DNAJC11: variants seen among roughly 807,000 people sequenced by gnomAD.
DNAJC11 encodes the protein DnaJ heat shock protein family (Hsp40) member C11.
A neutral mutation model predicts 78.6 loss-of-function variants in DNAJC11; 15 were observed. The ratio of observed to expected loss-of-function variants is 0.19; its 90% CI spans 0.13 to 0.29. The LOEUF (loss-of-function observed/expected upper bound fraction) is 0.29, where lower values mean the gene tolerates loss of function less well. Among genes scored for constraint, DNAJC11 ranks in the 10% least tolerant of loss-of-function variants. The pLI, the probability that DNAJC11 is intolerant of heterozygous loss-of-function variation, is 1.00. For synonymous variants in DNAJC11, 292 were observed against 272.1 expected, an observed-to-expected ratio of 1.07 and a Z score of -0.72; for missense variants, 547 against 709.6, an observed-to-expected ratio of 0.77 and a Z score of 2.60.
At chr1:6,667,588 G>A in intron 4 of DNAJC11, 121 bp downstream of exon 4, 1 of 781,772 alleles carries the variant, frequency 1.3e-6, no homozygotes. Context: ...GCTAAATTTT[G>A]TCCCACCAGC....
In DNAJC11 at chr1:6,663,035, G is replaced by A. The variant is rs148640952; in HGVS notation, c.378+4674C>T. On this transcript the variant is annotated intron_variant, in intron 4 of 15. Coordinates refer to ENST00000377577, the MANE Select transcript of DNAJC11 (RefSeq NM_018198.4). Reference sequence around the variant, plus strand: ...GAACTCTGGACATATTGGGATTACAGGTGTGAGCCCCCATGCCTGGCCGAT... The same window carrying A: ...GAACTCTGGACATATTGGGATTACAAGTGTGAGCCCCCATGCCTGGCCGAT... 4.2e-3 allele frequency among the ~76,000 whole-genome samples: 642 copies of A among 152,224 alleles called. 2 individuals are homozygous for A. The highest frequency in any genetic ancestry group is 0.015 in the African/African-American group (616 of 41,526).
In DNAJC11 at chr1:6,645,780, T is replaced by C. The variant is rs1641955223; in HGVS notation, c.894+9A>G. On this transcript the variant is annotated intron_variant, in intron 8 of 15. Coordinates refer to ENST00000377577, the MANE Select transcript of DNAJC11 (RefSeq NM_018198.4). This position sits in a 1 kb window ranked among gnomAD's most constrained non-coding sequence, Gnocchi z 4.1. ...TCTGTCTGCAGGAGATGATGGCTGC[T>C]CGGCTCACCTGCAGGGCCACAGTGA... The C allele has an allele frequency of 3.7e-6, 6 of 1,612,924 alleles. No homozygotes were observed. The East Asian group carries it at 1.3e-4, about 36-fold the overall frequency.
intron 4 of DNAJC11, among the ~76,000 whole-genome samples, chr1:6,659,424 C>T (rs1570282857): frequency 6.6e-6 from 1 of 152,200 alleles, no homozygotes; most frequent in African/African-American, 2.4e-5. Context: ...GCTTCCCATC[C>T]TTCCTCCAGT....
chr1:6,676,443 G>T (rs2147876406), intron 3 of DNAJC11, among the ~76,000 whole-genome samples: 1 of 152,320 alleles, frequency 6.6e-6, no homozygotes, highest in East Asian at 1.9e-4. Context: ...GCTTTGGGAG[G>T]CTGAGGGGGG....
At position 6,645,931 on chromosome 1, in the gene DNAJC11, C is replaced by A; in HGVS notation, c.752G>T (p.Arg251Leu). 2 of 1,614,104 alleles carry A rather than the reference C, an allele frequency of 1.2e-6. No individual in the cohort carries two copies. The highest frequency in any genetic ancestry group is 1.1e-5 in the South Asian group (1 of 91,042). The stretch of plus-strand genomic sequence containing the variant: ...AGCTAGGACAGTGGTCAGGCCGGGT[C>A]GGATTCCACGGGATGAAAACTGCAG... ...CALQFSSRGI[R>L]PGLTTVLARN... is the part of the protein sequence containing the mutation. Residue 251 changes from arginine (R) to leucine (L), a missense_variant, in exon 8 of 16, where the codon CGA becomes CTA. Physicochemically the swap from Arg to Leu is moderately radical, Grantham distance 102. Transcript: ENST00000377577. The surrounding 1 kb of genome is among the most constrained non-coding windows in gnomAD (Gnocchi z 4.1).
rs138106653 is a variant in DNAJC11 at position 6,672,846 on chromosome 1, T to C, written c.277-5036A>G. 1.9e-3 allele frequency among the ~76,000 whole-genome samples: 290 copies of C among 152,236 alleles called. 1 individual carries two copies. The highest frequency in any genetic ancestry group is 6.6e-3 in the African/African-American group (274 of 41,550). ...TGATAAATACCAGACATTTTCAATG[T>C]TTCTCATGGACAGAGTGTATCACAT... On this transcript the variant is annotated intron_variant, in intron 3 of 15. Transcript: ENST00000377577.
chr1:6,638,391 C>G, intron 11 of DNAJC11, 27 bp from the exon 12 acceptor site: 1 of 1,606,910 alleles, frequency 6.2e-7, no homozygotes, highest in Non-Finnish European at 8.5e-7. Context: ...ACAAGCCCCA[C>G]GTTAGCGCGG....
chr1:6,643,433 G>A lies in DNAJC11; in HGVS notation c.1097+1125C>T, dbSNP rs562883984. On this transcript the variant is annotated intron_variant, in intron 10 of 15. Transcript: ENST00000377577. Reference sequence around the variant, plus strand: ...AGAGACTACAGGCGCCCGCCACCACGCCCGGTTAATTTTTTGTATTTTTAG... The same window carrying A: ...AGAGACTACAGGCGCCCGCCACCACACCCGGTTAATTTTTTGTATTTTTAG... Among the ~76,000 whole-genome samples the A allele has an allele frequency of 3.3e-5, 5 of 151,264 alleles. No homozygotes were observed. In the East Asian group the frequency reaches 5.9e-4, roughly 18 times the overall value.
At chr1:6,651,714 G>C (rs559781210) in intron 6 of DNAJC11, 112 bp from the exon 7 acceptor site, 1 of 783,770 alleles carries the variant, frequency 1.3e-6, no homozygotes, top group East Asian at 2.6e-5. Context: ...CACTGGTCTT[G>C]CCAGGGCTCT....
At position 6,637,275 on chromosome 1, in the gene DNAJC11, C is replaced by A; in HGVS notation, c.1447G>T (p.Val483Leu). The change falls in exon 14 of 16, where the codon GTG becomes TTG. Residue 483 changes from valine to leucine, a missense_variant. Val to Leu is a conservative substitution (Grantham distance 32, BLOSUM62 1). Coordinates refer to ENST00000377577, the MANE Select transcript of DNAJC11 (RefSeq NM_018198.4). ...VNDKSRKSEK[V>L]KVIDVTVPLQ... ...GGCACAGTCACGTCAATCACCTTCA[C>A]CTTCTCGCTCTTCCTGCTCTTGTCA... 1 of 1,614,204 alleles carries A rather than the reference C, an allele frequency of 6.2e-7. No individual in the cohort carries two copies. Among genetic ancestry groups the A allele is most frequent in the Non-Finnish European group, 8.5e-7 (1 of 1,180,040 alleles).
Position 6,673,589 on chromosome 1 carries a change from C to T in DNAJC11, c.276+4805G>A, listed in dbSNP as rs144222067. ...AGAAATTTCTAGTATAGCCTGCACC[C>T]AGGTTCCCCCAATGTTAGCACCTTT... On this transcript the variant is annotated intron_variant, in intron 3 of 15. Coordinates refer to ENST00000377577, the MANE Select transcript of DNAJC11 (RefSeq NM_018198.4). 5.9e-5 allele frequency among the ~76,000 whole-genome samples: 9 copies of T among 152,340 alleles called. No individual in the cohort carries two copies. The East Asian group carries it at 1.5e-3, about 26-fold the overall frequency.
intron 3 of DNAJC11, among the ~76,000 whole-genome samples, chr1:6,669,563 AAGAAAAGAAAAGAAG>A (rs1312166476): frequency 2.7e-4 from 39 of 145,488 alleles, no homozygotes; most frequent in African/African-American, 9.1e-4. Flanking sequence ...AAGAAAAGAA[AAGAAAAGAAAAGAAG>A]GCATTTCAAT....
At chr1:6,682,395 A>G (rs903017391) in intron 1 of DNAJC11, among the ~76,000 whole-genome samples, 1 of 152,170 alleles carries the variant, frequency 6.6e-6, no homozygotes, top group Non-Finnish European at 1.5e-5. Context: ...TAAACAAGGA[A>G]TTCTGAAGGA....
chr1:6,656,100 TAAAAAAA>T (rs749444041), intron 4 of DNAJC11, among the ~76,000 whole-genome samples: 2 of 88,866 alleles, frequency 2.3e-5, no homozygotes, highest in Admixed American at 1.4e-4. Flanking sequence ...AGACTCCGTC[TAAAAAAA>T]AAAAAAAAAA....
chr1:6,647,246 T>A (rs1246610731), intron 7 of DNAJC11, among the ~76,000 whole-genome samples: 2 of 151,932 alleles, frequency 1.3e-5, no homozygotes, highest in Non-Finnish European at 2.9e-5. Flanking sequence ...CATGTCCGGT[T>A]AATATTTTGT....
intron 9 of DNAJC11, 122 bp from the exon 10 acceptor site, chr1:6,644,796 A>G: frequency 1.1e-6 from 1 of 888,108 alleles, no homozygotes; most frequent in Non-Finnish European, 1.8e-6. Flanking sequence ...ACCCCCAGGG[A>G]GCAGATTCAT....
intron 2 of DNAJC11, among the ~76,000 whole-genome samples, chr1:6,679,041 T>C (rs560757112): frequency 6.6e-6 from 1 of 152,170 alleles, no homozygotes; most frequent in Admixed American, 6.6e-5. Flanking sequence ...AGCTACAAGG[T>C]GTACAAGGTG....
At chr1:6,668,957 T>G (rs1328812960) in intron 3 of DNAJC11, among the ~76,000 whole-genome samples, 1 of 142,552 alleles carries the variant, frequency 7.0e-6, no homozygotes. Context: ...GAGGCAGAGG[T>G]GAGGGGATCA....
chr1:6,690,522 T>C (rs1642728588), intron 1 of DNAJC11, among the ~76,000 whole-genome samples: 1 of 152,216 alleles, frequency 6.6e-6, no homozygotes, highest in African/African-American at 2.4e-5. Flanking sequence ...ATGACCCCTT[T>C]TGAAGCTCCA....
Sources: gnomAD v4.1 joint callset for allele counts (sites outside exome capture counted in the v4.1 genomes callset) on GRCh38, gnomAD v4.1.1 for gene constraint, Gnocchi (gnomAD v3.1) non-coding constraint, MANE v1.5 for transcripts, NCBI Gene and HGNC (gene_info 2026-07-23, HGNC 2026-07-21) for gene names.